The following CDH7 variants were observed in gnomAD, a reference collection of about 807,000 sequenced individuals.
The protein encoded by CDH7 is cadherin 7, also known as cadherin-7.
CDH7 carries 25 observed loss-of-function variants against 71.8 expected under a neutral mutation model. The ratio of observed to expected loss-of-function variants is 0.35; its 90% CI spans 0.25 to 0.49. The LOEUF (loss-of-function observed/expected upper bound fraction) is 0.49, where lower values mean the gene tolerates loss of function less well. CDH7 is among the 20% of genes least tolerant of loss of function. The pLI is 0.99. For missense variants in CDH7, 862 were observed against 974.6 expected, an observed-to-expected ratio of 0.88 and a Z score of 1.54; for synonymous variants, 381 against 363.8, an observed-to-expected ratio of 1.05 and a Z score of -0.54.
intron 11 of CDH7, among the ~76,000 whole-genome samples, chr18:65,877,468 T>C (rs1914104906): frequency 6.6e-6 from 1 of 152,124 alleles, no homozygotes; most frequent in Non-Finnish European, 1.5e-5. Context: ...AAATGTTTTG[T>C]CTACTTAGAC....
At chr18:65,759,411 A>AT (rs770554826) in intron 1 of CDH7, among the ~76,000 whole-genome samples, 169 of 141,300 alleles carry the variant, frequency 1.2e-3, no homozygotes, top group Middle Eastern at 3.6e-3. Flanking sequence ...TGCCCGGCTA[A>AT]TTTTTTTTTT....
chr18:65,781,996 T>C lies in CDH7; in HGVS notation c.210+18944T>C, dbSNP rs200568643. Among the ~76,000 whole-genome samples, 22 of 74,896 alleles carry C rather than the reference T, an allele frequency of 2.9e-4. 1 individual carries two copies. The highest frequency in any genetic ancestry group is 9.1e-4 in the African/African-American group (9 of 9,882). The allele number at this position is 74,896 out of a possible 152,430, so 49.1% of individuals were successfully genotyped here. ...TCTCTCTCTCTCTCTCTTTCTCTCT[T>C]TCTCTCTTTCTCTCTTTCTCTCTCT... On this transcript the variant is annotated intron_variant, in intron 2 of 11. Transcript: ENST00000397968.
At position 65,883,221 on chromosome 18, in the gene CDH7, AT is replaced by A. The variant is rs1224019939; in HGVS notation, c.*2333del. On this transcript the variant is annotated 3_prime_UTR_variant, in exon 12 of 12. Coordinates refer to ENST00000397968, the MANE Select transcript of CDH7 (RefSeq NM_004361.5). The stretch of plus-strand genomic sequence containing the variant: ...ACAGTATTACATTTCATTCAGTGGT[AT>A]TTTTTAATTAAAAAAATTAATTTAA... The A allele has an allele frequency of 2.6e-5, 4 of 152,090 alleles. No homozygotes were observed. The highest frequency in any genetic ancestry group is 4.1e-4 in the South Asian group (2 of 4,828). 9.4% of individuals were successfully genotyped at this position (152,090 alleles called of 1,614,324 possible).
intron 6 of CDH7, among the ~76,000 whole-genome samples, chr18:65,841,846 CT>C (rs935737172): frequency 1.3e-5 from 2 of 151,892 alleles, no homozygotes; most frequent in African/African-American, 4.8e-5. Flanking sequence ...TCATTCTCAC[CT>C]TTTTTTGACC....
At chr18:65,762,609 T>C (rs193186940) in intron 1 of CDH7, 38 bp from the exon 2 acceptor site, 1 of 376,372 alleles carries the variant, frequency 2.7e-6, no homozygotes, top group East Asian at 4.0e-5. Context: ...ATTATGTGTT[T>C]TGGTTCCTGA....
chr18:65,769,835 C>G (rs1201766855), intron 2 of CDH7, among the ~76,000 whole-genome samples: 1 of 152,100 alleles, frequency 6.6e-6, no homozygotes, highest in Non-Finnish European at 1.5e-5. Flanking sequence ...TGATGCTTTT[C>G]CCTTCTCACT....
upstream of CDH7, chr18:65,750,864 AG>A (rs1334547163): frequency 1.3e-5 from 2 of 151,906 alleles, no homozygotes; most frequent in African/African-American, 4.8e-5. Flanking sequence ...TGCCCGGGCG[AG>A]CCGGAGGGGC....
chr18:65,843,860 G>T lies in CDH7; in HGVS notation c.1030G>T (p.Ala344Ser). Residue 344 changes from alanine (A) to serine (S), a missense_variant, in exon 7 of 12, where the codon GCA becomes TCA. By Grantham distance (99) the Ala-to-Ser change is moderately conservative. Coordinates refer to ENST00000397968, the MANE Select transcript of CDH7 (RefSeq NM_004361.5). ...AAGTTACACGCTACGGATAGAAGCT[G>T]CAAATAAAGATGCCGACCCTCGCTT... ...KTSYTLRIEA[A>S]NKDADPRFLS... 6.3e-7 allele frequency: 1 copy of T among 1,585,714 alleles called. No individual in the cohort carries two copies. Among genetic ancestry groups the T allele is most frequent in the East Asian group, 2.3e-5 (1 of 43,540 alleles).
rs1231523746 is a variant in CDH7 at position 65,782,054 on chromosome 18, C to T, written c.210+19002C>T. Among the ~76,000 whole-genome samples, 19 of 57,190 alleles carry T rather than the reference C, an allele frequency of 3.3e-4. 4 individuals are homozygous for T. Among genetic ancestry groups the T allele is most frequent in the Admixed American group, 5.2e-4 (3 of 5,816 alleles). 37.5% of individuals were successfully genotyped at this position (57,190 alleles called of 152,430 possible). On this transcript the variant is annotated intron_variant, in intron 2 of 11. Transcript: ENST00000397968. ...CCTTCCTTCCTTCCTTCCTTCCTTC[C>T]TTCCTTCCTTTCTTTCTTTCTTTCT...
At position 65,880,781 on chromosome 18, in the gene CDH7, G is replaced by A; in HGVS notation, c.2245G>A (p.Asp749Asn). ...GSVAESLSSL[D>N]SISSNSDQNY... Reference sequence around the variant, plus strand: ...AGTTGCTGAATCACTCAGCTCTTTAGATTCCATCAGCTCAAACTCTGATCA... The same window carrying A: ...AGTTGCTGAATCACTCAGCTCTTTAAATTCCATCAGCTCAAACTCTGATCA... The change falls in exon 12 of 12, where the codon GAT (aspartate) becomes AAT (asparagine). Residue 749 changes from aspartate to asparagine, a missense_variant. Physicochemically the swap from Asp to Asn is conservative, Grantham distance 23 (BLOSUM62 1). Coordinates refer to ENST00000397968, the MANE Select transcript of CDH7 (RefSeq NM_004361.5). 6.2e-7 allele frequency: 1 copy of A among 1,613,898 alleles called. No individual in the cohort carries two copies. The highest frequency in any genetic ancestry group is 8.5e-7 in the Non-Finnish European group (1 of 1,179,906).
At chr18:65,849,433 C>A (rs112261191) in intron 7 of CDH7, among the ~76,000 whole-genome samples, 34,727 of 128,590 alleles carry the variant, frequency 0.27, 4,529 homozygotes, top group Non-Finnish European at 0.31. Context: ...TCTTTCTTTT[C>A]TTTCCTTTTC....
At chr18:65,820,250 C>T (rs986097432) in intron 4 of CDH7, among the ~76,000 whole-genome samples, 3 of 150,538 alleles carry the variant, frequency 2.0e-5, no homozygotes, top group Non-Finnish European at 4.4e-5. Flanking sequence ...GAGCCAGTGT[C>T]TTTTTCAAAG....
chr18:65,751,772 G>A (rs1297137926), intron 1 of CDH7, among the ~76,000 whole-genome samples: 8 of 152,160 alleles, frequency 5.3e-5, no homozygotes, highest in Non-Finnish European at 1.0e-4. Flanking sequence ...AGTGTGCGCT[G>A]GGAAAAGGGC....
At chr18:65,773,298 A>G (rs1003524318) in intron 2 of CDH7, among the ~76,000 whole-genome samples, 1 of 152,180 alleles carries the variant, frequency 6.6e-6, no homozygotes, top group Non-Finnish European at 1.5e-5. Flanking sequence ...AATGCCTTAA[A>G]CTTGAATATA....
At chr18:65,823,738 T>C (rs971787655) in intron 5 of CDH7, among the ~76,000 whole-genome samples, 11 of 151,972 alleles carry the variant, frequency 7.2e-5, no homozygotes, top group Admixed American at 1.3e-4. Context: ...CACATTTTCC[T>C]TTCTATATTC....
chr18:65,813,515 T>G (rs1016465856), intron 3 of CDH7, among the ~76,000 whole-genome samples: 10 of 152,132 alleles, frequency 6.6e-5, no homozygotes, highest in Non-Finnish European at 1.3e-4. Flanking sequence ...TTGAAAGAGA[T>G]ATTTACATAG....
In CDH7 at chr18:65,889,371, C is replaced by G. The variant is rs968802272; in HGVS notation, c.*8477C>G. On this transcript the variant is annotated 3_prime_UTR_variant, in exon 12 of 12. Coordinates refer to ENST00000397968, the MANE Select transcript of CDH7 (RefSeq NM_004361.5). Reference sequence around the variant, plus strand: ...GACAGCTCCAACCCAGTGCTGGGCTCGTGGAAGGCAGCAAGGTACCTGCAT... The same window carrying G: ...GACAGCTCCAACCCAGTGCTGGGCTGGTGGAAGGCAGCAAGGTACCTGCAT... 2.6e-5 allele frequency: 4 copies of G among 152,280 alleles called. No homozygotes were observed. The South Asian group carries it at 8.3e-4, about 32-fold the overall frequency. The allele number at this position is 152,280 out of a possible 1,614,324, so 9.4% of individuals were successfully genotyped here. A position where few individuals can be genotyped will look rare whatever the true frequency, so the allele number is the denominator to read the frequency against.
At chr18:65,810,069 T>A in intron 3 of CDH7, 71 bp downstream of exon 3, 1 of 1,242,456 alleles carries the variant, frequency 8.0e-7, no homozygotes, top group South Asian at 1.4e-5. Context: ...AATTAAATCA[T>A]CATTAAGTAC....
intron 5 of CDH7, among the ~76,000 whole-genome samples, chr18:65,823,119 TG>T: frequency 6.6e-6 from 1 of 151,908 alleles, no homozygotes; most frequent in African/African-American, 2.4e-5. Flanking sequence ...CGAACCTTTC[TG>T]AGCAAATACA....
Sources: gnomAD v4.1 joint callset for allele counts (sites outside exome capture counted in the v4.1 genomes callset) on GRCh38, gnomAD v4.1.1 for gene constraint, MANE v1.5 for transcripts, NCBI Gene and HGNC (gene_info 2026-07-23, HGNC 2026-07-21) for gene names.